The following PTPRT variants were observed in gnomAD, a reference collection of about 807,000 sequenced individuals.
PTPRT encodes the protein protein tyrosine phosphatase receptor type T.
In PTPRT, 56 loss-of-function variants were observed where a neutral mutation model predicts 176.8. The ratio of observed to expected loss-of-function variants is 0.32; its 90% CI spans 0.26 to 0.40. The LOEUF (loss-of-function observed/expected upper bound fraction) is 0.40, where lower values mean the gene tolerates loss of function less well. PTPRT is among the 10% of genes least tolerant of loss of function. The pLI, the probability that PTPRT is intolerant of heterozygous loss-of-function variation, is 1.00. For synonymous variants in PTPRT, 783 were observed against 739.0 expected, an observed-to-expected ratio of 1.06 and a Z score of -0.96; for missense variants, 1,540 against 1,908.2, an observed-to-expected ratio of 0.81 and a Z score of 3.60.
intron 1 of PTPRT, among the ~76,000 whole-genome samples, chr20:42,973,434 C>CCT (rs570613568): frequency 6.0e-5 from 9 of 150,796 alleles, no homozygotes; most frequent in East Asian, 1.9e-4. Flanking sequence ...TTTATCCCAT[C>CCT]CTCTCTCTCT....
chr20:42,972,392 T>C (rs1337344297), intron 1 of PTPRT, among the ~76,000 whole-genome samples: 2 of 151,514 alleles, frequency 1.3e-5, no homozygotes, highest in Non-Finnish European at 2.9e-5. Flanking sequence ...CTGGGTGTGG[T>C]GGCTCATGCC....
chr20:42,757,034 A>G (rs887691824), intron 5 of PTPRT, among the ~76,000 whole-genome samples: 3 of 143,072 alleles, frequency 2.1e-5, no homozygotes, highest in Non-Finnish European at 4.5e-5. Context: ...TGGGTGACAG[A>G]GGAAGGCCCT....
chr20:42,156,679 G>A (rs552237552), intron 17 of PTPRT, among the ~76,000 whole-genome samples: 23 of 152,254 alleles, frequency 1.5e-4, no homozygotes, highest in African/African-American at 5.3e-4. Context: ...TCCTACCAGT[G>A]GCACAAACAA....
At chr20:42,507,532 C>G (rs2071868602) in intron 7 of PTPRT, among the ~76,000 whole-genome samples, 1 of 151,862 alleles carries the variant, frequency 6.6e-6, no homozygotes. Context: ...ATCTCTGAGC[C>G]CCAGTCTTCT....
At chr20:43,152,392 C>A (rs2014386626) in intron 1 of PTPRT, among the ~76,000 whole-genome samples, 1 of 152,120 alleles carries the variant, frequency 6.6e-6, no homozygotes, top group South Asian at 2.1e-4. Flanking sequence ...CATATGAATT[C>A]ATTGCACACA....
At chr20:43,095,693 T>A (rs1194298519) in intron 1 of PTPRT, among the ~76,000 whole-genome samples, 1 of 126,154 alleles carries the variant, frequency 7.9e-6, no homozygotes. Context: ...GCCCTCTCCC[T>A]GCTTCCTCTC....
chr20:42,999,513 T>TGGGAGGCCAAGGCACGTGGGCCAC (rs1984412447), intron 1 of PTPRT, among the ~76,000 whole-genome samples: 1 of 151,918 alleles, frequency 6.6e-6, no homozygotes, highest in Non-Finnish European at 1.5e-5. Flanking sequence ...CCTAACACAT[T>TGGGAGGCCAAGGCACGTGGGCCAC]GGGAGGCCAA....
At chr20:42,931,663 A>T (rs908016176) in intron 1 of PTPRT, among the ~76,000 whole-genome samples, 1 of 152,166 alleles carries the variant, frequency 6.6e-6, no homozygotes, top group Non-Finnish European at 1.5e-5. Flanking sequence ...GGGTGAGCAT[A>T]CCATCACTAA....
chr20:42,903,841 T>C (rs574066451), intron 1 of PTPRT, among the ~76,000 whole-genome samples: 4 of 152,288 alleles, frequency 2.6e-5, no homozygotes, highest in Admixed American at 2.6e-4. Flanking sequence ...GTAGATGTAA[T>C]TACAGCTGAA....
At chr20:42,956,957 T>C (rs529798005) in intron 1 of PTPRT, among the ~76,000 whole-genome samples, 1 of 152,222 alleles carries the variant, frequency 6.6e-6, no homozygotes, top group East Asian at 1.9e-4. Context: ...AGCGCCCAAG[T>C]CACCTGGATC....
At position 42,374,461 on chromosome 20, in the gene PTPRT, C is replaced by T. The variant is rs188864542; in HGVS notation, c.1561-22176G>A. On this transcript the variant is annotated intron_variant, in intron 9 of 30. Coordinates refer to ENST00000373187, the MANE Select transcript of PTPRT (RefSeq NM_007050.6). ...CCAGTGATAGAGTTTAAAAATCATA[C>T]GGTAATAATGTTAAAACTTACAATC... 8.0e-4 allele frequency among the ~76,000 whole-genome samples: 122 copies of T among 151,974 alleles called. 1 individual carries two copies. Among genetic ancestry groups the T allele is most frequent in the African/African-American group, 2.5e-3 (105 of 41,426 alleles).
chr20:42,119,667 C>A (rs1987482267), intron 20 of PTPRT, among the ~76,000 whole-genome samples: 1 of 152,210 alleles, frequency 6.6e-6, no homozygotes, highest in South Asian at 2.1e-4. Flanking sequence ...CACTCATGGG[C>A]CTTTTTCCTA....
intron 12 of PTPRT, among the ~76,000 whole-genome samples, chr20:42,284,220 C>T (rs1175233439): frequency 6.6e-6 from 1 of 152,020 alleles, no homozygotes; most frequent in African/African-American, 2.4e-5. Context: ...ATTATCTAGA[C>T]TATCACTATT....
At chr20:43,058,299 C>T (rs767363016) in intron 1 of PTPRT, among the ~76,000 whole-genome samples, 21 of 149,800 alleles carry the variant, frequency 1.4e-4, no homozygotes, top group African/African-American at 4.4e-4. Flanking sequence ...TGAGAGAGAT[C>T]GGGTGAAAGA....
rs2058455057 is a variant in PTPRT, at chr20:42,363,162, A to G, written c.1561-10877T>C. 2.0e-5 allele frequency among the ~76,000 whole-genome samples: 3 copies of G among 146,728 alleles called. No homozygotes were observed. In the East Asian group the frequency reaches 5.9e-4, roughly 29 times the overall value. ...TTTTTTTTAAAAAAAAGAACAAAAA[A>G]TGTGCACTAAGTCTCATTGATTGGC... On this transcript the variant is annotated intron_variant, in intron 9 of 30. Transcript: ENST00000373187.
intron 1 of PTPRT, among the ~76,000 whole-genome samples, chr20:43,119,539 A>T (rs2013180090): frequency 6.6e-6 from 1 of 152,220 alleles, no homozygotes; most frequent in Non-Finnish European, 1.5e-5. Context: ...GACCCAGATT[A>T]TACTGGTGTT....
intron 13 of PTPRT, among the ~76,000 whole-genome samples, chr20:42,280,539 T>C (rs1373315325): frequency 6.6e-6 from 1 of 152,178 alleles, no homozygotes. Flanking sequence ...AGCTGGGCAT[T>C]CACACTCATT....
chr20:42,063,242 G>A, the PTPRT span, among the ~76,000 whole-genome samples: 1 of 152,174 alleles, frequency 6.6e-6, no homozygotes, highest in Non-Finnish European at 1.5e-5. Context: ...GACATGAGCT[G>A]TCTTAGCACG....
At chr20:42,618,276 T>C (rs2074119612) in intron 7 of PTPRT, among the ~76,000 whole-genome samples, 1 of 131,166 alleles carries the variant, frequency 7.6e-6, no homozygotes, top group Admixed American at 7.1e-5. Context: ...AATCCTGAGT[T>C]CTAGTTTGAT....
Sources: gnomAD v4.1 joint callset for allele counts (sites outside exome capture counted in the v4.1 genomes callset) on GRCh38, gnomAD v4.1.1 for gene constraint, MANE v1.5 for transcripts, NCBI Gene and HGNC (gene_info 2026-07-23, HGNC 2026-07-21) for gene names.